LYPLAL1: variants seen among roughly 807,000 people sequenced by gnomAD.
LYPLAL1 encodes the protein lysophospholipase-like protein 1.
LYPLAL1 carries 23 observed loss-of-function variants against 19.7 expected under a neutral mutation model. The observed-to-expected ratio is 1.17, with a 90% CI of 0.84 to 1.65. The LOEUF (loss-of-function observed/expected upper bound fraction) is 1.65, where lower values mean the gene tolerates loss of function less well. Ranked by LOEUF, LYPLAL1 falls within the 40% of genes most tolerant of loss-of-function variation. The pLI is 0.00. For missense variants in LYPLAL1, 355 were observed against 279.4 expected (o/e 1.27, Z -1.93); for synonymous variants, 119 against 96.3 (o/e 1.24, Z -1.38).
At chr1:219,355,356 A>G in the LYPLAL1 span, among the ~76,000 whole-genome samples, 1 of 152,244 alleles carries the variant, frequency 6.6e-6, no homozygotes, top group Non-Finnish European at 1.5e-5. Flanking sequence ...GAAACTAAAA[A>G]CAAGCAAGCA....
chr1:219,375,891 G>A, the LYPLAL1 span, among the ~76,000 whole-genome samples: 20 of 151,962 alleles, frequency 1.3e-4, no homozygotes, highest in Non-Finnish European at 1.2e-4. Flanking sequence ...ACAGGCGCCC[G>A]CCACCACGCC....
the LYPLAL1 span, among the ~76,000 whole-genome samples, chr1:219,243,782 G>A: frequency 6.6e-6 from 1 of 151,912 alleles, no homozygotes; most frequent in Non-Finnish European, 1.5e-5. Context: ...AGCTGGACGT[G>A]GTGGTGGGTG....
the LYPLAL1 span, among the ~76,000 whole-genome samples, chr1:219,337,966 T>C: frequency 1.3e-5 from 2 of 152,082 alleles, no homozygotes; most frequent in African/African-American, 2.4e-5. Context: ...CTTGGGCATG[T>C]TACTTGCTGT....
At chr1:219,193,859 G>A (rs1389833204) in intron 3 of LYPLAL1, among the ~76,000 whole-genome samples, 1 of 151,684 alleles carries the variant, frequency 6.6e-6, no homozygotes, top group Non-Finnish European at 1.5e-5. Flanking sequence ...AATATGAATG[G>A]TACACGACAT....
At chr1:219,346,194 A>G in the LYPLAL1 span, among the ~76,000 whole-genome samples, 1 of 152,200 alleles carries the variant, frequency 6.6e-6, no homozygotes, top group African/African-American at 2.4e-5. Flanking sequence ...TCAAATCTGT[A>G]TCTCTAACTG....
chr1:219,193,350 C>A, intron 3 of LYPLAL1, 99 bp downstream of exon 3: 1 of 783,468 alleles, frequency 1.3e-6, no homozygotes, highest in Non-Finnish European at 1.9e-6. Context: ...ACTTGTATAT[C>A]ATTCGATGCA....
the LYPLAL1 span, among the ~76,000 whole-genome samples, chr1:219,299,851 AT>A: frequency 1.3e-5 from 2 of 152,098 alleles, no homozygotes; most frequent in East Asian, 3.9e-4. Flanking sequence ...CTTGAAGCTG[AT>A]TTTTTTGGTT....
At chr1:219,425,583 G>A in the LYPLAL1 span, among the ~76,000 whole-genome samples, 3 of 152,168 alleles carry the variant, frequency 2.0e-5, no homozygotes, top group Non-Finnish European at 2.9e-5. Flanking sequence ...TGCCTCACTT[G>A]TAGAACAGGG....
chr1:219,293,204 C>G, the LYPLAL1 span, among the ~76,000 whole-genome samples: 1 of 152,048 alleles, frequency 6.6e-6, no homozygotes, highest in South Asian at 2.1e-4. Context: ...GAAATGAGAA[C>G]AGCTGTTCTC....
At chr1:219,276,938 A>G in the LYPLAL1 span, among the ~76,000 whole-genome samples, 1 of 152,142 alleles carries the variant, frequency 6.6e-6, no homozygotes. Flanking sequence ...TCACATCAAG[A>G]CTAAGTTGCA....
At chr1:219,182,002 A>G (rs751132220) in intron 2 of LYPLAL1, among the ~76,000 whole-genome samples, 1 of 152,150 alleles carries the variant, frequency 6.6e-6, no homozygotes, top group Non-Finnish European at 1.5e-5. Flanking sequence ...TATATATAAT[A>G]CTAATATTTT....
chr1:219,437,004 G>A, the LYPLAL1 span: 2 of 152,154 alleles, frequency 1.3e-5, no homozygotes, highest in African/African-American at 4.8e-5. Context: ...AACCAAGAAG[G>A]CTAGGAGAAA....
At chr1:219,299,140 CTT>C in the LYPLAL1 span, among the ~76,000 whole-genome samples, 38,988 of 129,742 alleles carry the variant, frequency 0.3, 4,208 homozygotes, top group East Asian at 0.53. Flanking sequence ...CCTCCCCCAG[CTT>C]TTTTTTTTTT....
the LYPLAL1 span, chr1:219,222,702 G>A: frequency 6.6e-6 from 1 of 152,114 alleles, no homozygotes; most frequent in Non-Finnish European, 1.5e-5. Context: ...CAATGCAAGT[G>A]TGTCGCTCTT....
chr1:219,179,027 G>A (rs1572151400), intron 1 of LYPLAL1, 120 bp from the exon 2 acceptor site: 1 of 592,198 alleles, frequency 1.7e-6, no homozygotes. Flanking sequence ...TTATTATGAT[G>A]TATGGAGCTT....
At chr1:219,307,023 C>T in the LYPLAL1 span, among the ~76,000 whole-genome samples, 27 of 119,462 alleles carry the variant, frequency 2.3e-4, no homozygotes, top group African/African-American at 5.8e-4. Context: ...TATACACATA[C>T]ATATATATAT....
chr1:219,352,842 G>A, the LYPLAL1 span, among the ~76,000 whole-genome samples: 1 of 152,162 alleles, frequency 6.6e-6, no homozygotes, highest in Non-Finnish European at 1.5e-5. Context: ...GTCCTAGTTA[G>A]TCTACCATAT....
At chr1:219,377,581 C>T in the LYPLAL1 span, among the ~76,000 whole-genome samples, 2 of 152,148 alleles carry the variant, frequency 1.3e-5, no homozygotes, top group South Asian at 4.2e-4. Flanking sequence ...TATTTTTTTA[C>T]AAAAGGACTC....
the LYPLAL1 span, among the ~76,000 whole-genome samples, chr1:219,369,546 A>C: frequency 6.6e-6 from 1 of 152,250 alleles, no homozygotes; most frequent in South Asian, 2.1e-4. Context: ...TGCTGGGATT[A>C]TGGGCGTGAG....
Sources: gnomAD v4.1 joint callset for allele counts (sites outside exome capture counted in the v4.1 genomes callset) on GRCh38, gnomAD v4.1.1 for gene constraint, MANE v1.5 for transcripts, NCBI Gene and HGNC (gene_info 2026-07-23, HGNC 2026-07-21) for gene names.